The following FBXO4 variants were observed in gnomAD, a reference collection of about 807,000 sequenced individuals.
The protein encoded by FBXO4 is F-box only protein 4.
A neutral mutation model predicts 43.7 loss-of-function variants in FBXO4; 36 were observed. The observed-to-expected ratio is 0.82, with a 90% CI of 0.63 to 1.09. The LOEUF is 1.09. FBXO4 is among the 50% of genes least tolerant of loss of function. FBXO4 has a pLI of 0.00. For synonymous variants in FBXO4, 180 were observed against 165.6 expected (o/e 1.09, Z -0.67); for missense variants, 435 against 474.1 (o/e 0.92, Z 0.77).
the FBXO4 span, among the ~76,000 whole-genome samples, chr5:41,977,149 GT>G: frequency 2.0e-5 from 3 of 152,184 alleles, no homozygotes; most frequent in Non-Finnish European, 4.4e-5. Context: ...CTATAAACCT[GT>G]GATGTGAGGG....
At chr5:41,945,402 C>T (rs1579991102), downstream of FBXO4, among the ~76,000 whole-genome samples, 2 of 152,120 alleles carry the variant, frequency 1.3e-5, no homozygotes, top group South Asian at 2.1e-4. Context: ...AAAATATTCA[C>T]AATCTATTTT....
At chr5:42,024,664 T>G in the FBXO4 span, among the ~76,000 whole-genome samples, 1 of 152,040 alleles carries the variant, frequency 6.6e-6, no homozygotes, top group Admixed American at 6.6e-5. Flanking sequence ...TATAAATATT[T>G]TGGACCCACC....
chr5:42,010,893 A>G, the FBXO4 span, among the ~76,000 whole-genome samples: 1 of 151,598 alleles, frequency 6.6e-6, no homozygotes, highest in African/African-American at 2.4e-5. Context: ...TTTTTAAATT[A>G]TACTTTAAGT....
At chr5:41,926,640 T>G (rs186125914) in intron 1 of FBXO4, among the ~76,000 whole-genome samples, 1 of 152,342 alleles carries the variant, frequency 6.6e-6, no homozygotes, top group East Asian at 1.9e-4. Context: ...AAGGTTGATA[T>G]GGGTTTTATT....
At chr5:42,000,947 G>A in the FBXO4 span, among the ~76,000 whole-genome samples, 5 of 152,048 alleles carry the variant, frequency 3.3e-5, no homozygotes, top group African/African-American at 1.2e-4. Flanking sequence ...CTGATTTTAT[G>A]CCATAGCATA....
At chr5:42,039,189 G>C in the FBXO4 span, among the ~76,000 whole-genome samples, 1 of 152,024 alleles carries the variant, frequency 6.6e-6, no homozygotes, top group Non-Finnish European at 1.5e-5. Context: ...TCTAAGGTGA[G>C]AACAAATAAT....
At chr5:41,968,709 A>AT in the FBXO4 span, among the ~76,000 whole-genome samples, 1,784 of 151,554 alleles carry the variant, frequency 0.012, 79 homozygotes, top group Admixed American at 0.074. Flanking sequence ...TAAGTATTCG[A>AT]TTTTTTTTTC....
the FBXO4 span, among the ~76,000 whole-genome samples, chr5:41,978,760 C>G: frequency 5.3e-5 from 8 of 152,104 alleles, no homozygotes; most frequent in African/African-American, 1.9e-4. Flanking sequence ...AAAACTTAAG[C>G]TCAAGTCTTT....
the FBXO4 span, among the ~76,000 whole-genome samples, chr5:42,025,684 T>A: frequency 1.8e-4 from 28 of 152,140 alleles, no homozygotes; most frequent in South Asian, 4.6e-3. Flanking sequence ...GGTCTTAGAT[T>A]TAAGTCTTTA....
the FBXO4 span, among the ~76,000 whole-genome samples, chr5:41,998,638 T>C: frequency 8.1e-4 from 123 of 152,298 alleles, no homozygotes; most frequent in Admixed American, 2.0e-3. Flanking sequence ...GATCCAACAA[T>C]ATGTTCCTCC....
the FBXO4 span, among the ~76,000 whole-genome samples, chr5:41,947,246 T>C: frequency 6.6e-6 from 1 of 152,236 alleles, no homozygotes; most frequent in East Asian, 1.9e-4. Context: ...TGTATGTTCT[T>C]AACTACCTTC....
the FBXO4 span, chr5:41,967,171 A>C: frequency 2.2e-6 from 1 of 458,730 alleles, no homozygotes; most frequent in South Asian, 1.9e-5. Context: ...TTTAGACTTC[A>C]GCACTTTCCG....
At chr5:41,999,607 C>T in the FBXO4 span, among the ~76,000 whole-genome samples, 4 of 145,162 alleles carry the variant, frequency 2.8e-5, no homozygotes, top group East Asian at 2.0e-4. Flanking sequence ...CACATGCTCA[C>T]AAGGTCCCAC....
At chr5:41,967,023 G>A in the FBXO4 span, 16 of 259,250 alleles carry the variant, frequency 6.2e-5, no homozygotes, top group East Asian at 1.3e-3. Flanking sequence ...TAAATGCAAA[G>A]CATCATTTTA....
At chr5:42,010,821 A>T in the FBXO4 span, among the ~76,000 whole-genome samples, 1 of 152,186 alleles carries the variant, frequency 6.6e-6, no homozygotes, top group East Asian at 1.9e-4. Flanking sequence ...GCAATCCATG[A>T]GTTTTAATTT....
At chr5:41,965,544 T>A in the FBXO4 span, among the ~76,000 whole-genome samples, 194 of 152,294 alleles carry the variant, frequency 1.3e-3, no homozygotes, top group Middle Eastern at 6.8e-3. Context: ...TTTGTTTGTA[T>A]CCTCTTTTAT....
chr5:42,017,672 A>G, the FBXO4 span, among the ~76,000 whole-genome samples: 1 of 151,236 alleles, frequency 6.6e-6, no homozygotes, highest in Non-Finnish European at 1.5e-5. Context: ...ACTCCCACTT[A>G]TAAGTGAGAA....
At chr5:41,932,783 G>T (rs74569228) in intron 3 of FBXO4, among the ~76,000 whole-genome samples, 1,762 of 152,244 alleles carry the variant, frequency 0.012, 79 homozygotes, top group Admixed American at 0.074. Context: ...GGGATACAGA[G>T]AACTGAACAG....
the FBXO4 span, among the ~76,000 whole-genome samples, chr5:42,029,637 T>G: frequency 6.6e-6 from 1 of 151,940 alleles, no homozygotes; most frequent in African/African-American, 2.4e-5. Flanking sequence ...TTTTATTTAT[T>G]TTTTTATTTT....
Sources: gnomAD v4.1 joint callset for allele counts (sites outside exome capture counted in the v4.1 genomes callset) on GRCh38, gnomAD v4.1.1 for gene constraint, MANE v1.5 for transcripts, NCBI Gene and HGNC (gene_info 2026-07-23, HGNC 2026-07-21) for gene names.